MSRA: variants seen among roughly 807,000 people sequenced by gnomAD.
The protein encoded by MSRA is mitochondrial peptide methionine sulfoxide reductase.
MSRA carries 54 observed loss-of-function variants against 31.3 expected under a neutral mutation model. The ratio of observed to expected loss-of-function variants is 1.73; its 90% CI spans 1.39 to 2.17. The LOEUF (loss-of-function observed/expected upper bound fraction) is 2.17. Among genes scored for constraint, MSRA ranks in the 30% most tolerant of loss-of-function variants. The pLI, the probability that MSRA is intolerant of heterozygous loss-of-function variation, is 0.00. For missense variants in MSRA, 507 were observed against 300.9 expected, an observed-to-expected ratio of 1.69 and a Z score of -5.07; for synonymous variants, 169 against 116.5, an observed-to-expected ratio of 1.45 and a Z score of -2.90.
intron 3 of MSRA, among the ~76,000 whole-genome samples, chr8:10,284,349 C>T (rs985969829): frequency 2.6e-5 from 4 of 151,986 alleles, no homozygotes; most frequent in South Asian, 2.1e-4. Context: ...CCACCACACC[C>T]GGCTAATTTT....
At chr8:10,342,772 G>T (rs865942120) in intron 5 of MSRA, among the ~76,000 whole-genome samples, 1 of 152,218 alleles carries the variant, frequency 6.6e-6, no homozygotes, top group East Asian at 1.9e-4. Context: ...TAATAACCCA[G>T]AGCTTCTGCC....
At chr8:10,281,146 T>C (rs1330935325) in intron 3 of MSRA, among the ~76,000 whole-genome samples, 1 of 152,220 alleles carries the variant, frequency 6.6e-6, no homozygotes, top group Admixed American at 6.5e-5. Context: ...AGGTGGATTG[T>C]ATAGTATGTG....
chr8:10,091,550 C>T (rs1379494911), intron 1 of MSRA, among the ~76,000 whole-genome samples: 1 of 151,098 alleles, frequency 6.6e-6, no homozygotes, highest in Non-Finnish European at 1.5e-5. Context: ...CTTCAGTATA[C>T]TGATTTCATT....
intron 5 of MSRA, among the ~76,000 whole-genome samples, chr8:10,419,760 G>A (rs1020641016): frequency 1.2e-4 from 19 of 152,192 alleles, no homozygotes; most frequent in Admixed American, 1.1e-3. Context: ...GAGGGCAGGC[G>A]GGCAAGTCTA....
At chr8:10,359,027 C>G (rs1181422317) in intron 5 of MSRA, among the ~76,000 whole-genome samples, 3 of 152,320 alleles carry the variant, frequency 2.0e-5, no homozygotes, top group East Asian at 3.9e-4. Flanking sequence ...CTTATCCCCC[C>G]ATCCCGATCC....
At chr8:10,333,642 T>C (rs929744939) in intron 5 of MSRA, among the ~76,000 whole-genome samples, 2 of 152,206 alleles carry the variant, frequency 1.3e-5, no homozygotes, top group African/African-American at 4.8e-5. Flanking sequence ...ATATGTAAAG[T>C]GTCTGTCACA....
At chr8:10,333,732 C>A (rs998818525) in intron 5 of MSRA, among the ~76,000 whole-genome samples, 2 of 151,800 alleles carry the variant, frequency 1.3e-5, no homozygotes, top group African/African-American at 4.8e-5. Flanking sequence ...CGGCCCCCCT[C>A]CATGTTCGCA....
In MSRA at chr8:10,054,393, C is replaced by A; in HGVS notation, c.-124C>A. 1.7e-6 allele frequency: 1 copy of A among 596,706 alleles called. No homozygotes were observed. Among genetic ancestry groups the A allele is most frequent in the Non-Finnish European group, 2.4e-6 (1 of 410,344 alleles). The allele number at this position is 596,706 out of a possible 1,614,324, so 37.0% of individuals were successfully genotyped here. On this transcript the variant is annotated 5_prime_UTR_variant, in exon 1 of 6. Coordinates refer to ENST00000317173, the MANE Select transcript of MSRA (RefSeq NM_012331.5). ...CAGCCCCGCCAGCAGCGCCCCGCGC[C>A]CGCCCGCCCGCGCCCCTGCCGCCCC...
chr8:10,377,851 C>A (rs1320617622), intron 5 of MSRA, among the ~76,000 whole-genome samples: 1 of 152,166 alleles, frequency 6.6e-6, no homozygotes, highest in Non-Finnish European at 1.5e-5. Context: ...CGGCTGGGAT[C>A]CACTTTGCAC....
intron 1 of MSRA, among the ~76,000 whole-genome samples, chr8:10,154,829 T>G (rs922358885): frequency 1.3e-5 from 2 of 151,836 alleles, no homozygotes; most frequent in African/African-American, 4.8e-5. Flanking sequence ...AGATTTTAAT[T>G]TTTTTTTCTT....
At chr8:10,355,318 A>G (rs1347814697) in intron 5 of MSRA, among the ~76,000 whole-genome samples, 2 of 152,232 alleles carry the variant, frequency 1.3e-5, no homozygotes, top group African/African-American at 4.8e-5. Context: ...AGTCATTGTC[A>G]GAGACTCGGG....
chr8:10,387,518 G>T (rs1247176627), intron 5 of MSRA, among the ~76,000 whole-genome samples: 2 of 152,140 alleles, frequency 1.3e-5, no homozygotes, highest in Non-Finnish European at 2.9e-5. Context: ...GTTTTGAGGG[G>T]GTGGTAAATG....
At chr8:10,423,655 G>C (rs757643483) in intron 5 of MSRA, among the ~76,000 whole-genome samples, 1 of 152,196 alleles carries the variant, frequency 6.6e-6, no homozygotes, top group Non-Finnish European at 1.5e-5. Context: ...TGACAGAGAG[G>C]CATTCTTCTG....
chr8:10,139,441 T>C (rs1802519442), intron 1 of MSRA, among the ~76,000 whole-genome samples: 1 of 152,222 alleles, frequency 6.6e-6, no homozygotes, highest in East Asian at 1.9e-4. Flanking sequence ...TGTTGCGTAG[T>C]GGTGAAGCCT....
chr8:10,235,746 A>AT (rs1370295527), intron 2 of MSRA, among the ~76,000 whole-genome samples: 4 of 152,086 alleles, frequency 2.6e-5, no homozygotes, highest in Non-Finnish European at 5.9e-5. Context: ...GGAACAAATA[A>AT]TTTTTTTTCT....
chr8:10,276,695 A>AACT (rs1799339016), intron 3 of MSRA, among the ~76,000 whole-genome samples: 1 of 152,226 alleles, frequency 6.6e-6, no homozygotes, highest in Admixed American at 6.5e-5. Context: ...TTCTAAGAGA[A>AACT]GTCTTTAATG....
intron 2 of MSRA, among the ~76,000 whole-genome samples, chr8:10,243,653 G>T (rs1434241092): frequency 6.6e-6 from 1 of 151,960 alleles, no homozygotes; most frequent in Non-Finnish European, 1.5e-5. Context: ...TTTGAAGAAT[G>T]AAAAAATATT....
At chr8:10,292,842 C>T (rs1046943751) in intron 3 of MSRA, among the ~76,000 whole-genome samples, 65 of 152,024 alleles carry the variant, frequency 4.3e-4, no homozygotes, top group African/African-American at 1.5e-3. Context: ...CTGGGGACAG[C>T]AGGAGCCGGT....
chr8:10,275,029 G>C (rs371737288), intron 3 of MSRA, among the ~76,000 whole-genome samples: 1 of 152,216 alleles, frequency 6.6e-6, no homozygotes, highest in South Asian at 2.1e-4. Flanking sequence ...ATTAATATTG[G>C]AATTAATCAA....
Sources: allele counts gnomAD v4.1 joint callset (sites outside exome capture counted in the v4.1 genomes callset), GRCh38; gene constraint gnomAD v4.1.1; transcripts MANE v1.5; gene names NCBI Gene and HGNC (gene_info 2026-07-23, HGNC 2026-07-21).